Variants in DHX57 observed in about 807,000 individuals in gnomAD.
DHX57 encodes the protein putative ATP-dependent RNA helicase DHX57.
A neutral mutation model predicts 156.2 loss-of-function variants in DHX57; 105 were observed. The observed-to-expected ratio is 0.67, with a 90% CI of 0.57 to 0.79. The LOEUF is 0.79. Among genes scored for constraint, DHX57 ranks in the 30% least tolerant of loss-of-function variants. The pLI, the probability that DHX57 is intolerant of heterozygous loss-of-function variation, is 0.00. For synonymous variants in DHX57, 704 were observed against 595.6 expected, an observed-to-expected ratio of 1.18 and a Z score of -2.65; for missense variants, 1,847 against 1,661.9, an observed-to-expected ratio of 1.11 and a Z score of -1.94.
chr2:38,800,897 C>T (rs1019845683), intron 23 of DHX57, among the ~76,000 whole-genome samples: 4 of 151,586 alleles, frequency 2.6e-5, no homozygotes, highest in South Asian at 2.1e-4. Context: ...AGATGTGCTG[C>T]GAATATAAAA....
intron 12 of DHX57, among the ~76,000 whole-genome samples, chr2:38,841,606 A>G (rs1392171654): frequency 1.3e-5 from 2 of 152,236 alleles, no homozygotes; most frequent in African/African-American, 4.8e-5. Flanking sequence ...CTTGTATCCT[A>G]CAGAAGCAGT....
chr2:38,802,895 G>C lies in DHX57; in HGVS notation c.3837C>G (p.Pro1279=). Residue 1279 remains proline (P), a synonymous_variant, in exon 23 of 24, where the codon CCC becomes CCG. Coordinates refer to ENST00000457308, the MANE Select transcript of DHX57 (RefSeq NM_198963.3). ...TTATCTTCTCGTGGTACAACAGGTA[G>C]GGGCTGTCAAAGTGTCTCACCTGTA... ...VNYQVRHFDS[P]YLLYHEKIKT... is the part of the protein sequence containing the mutation. 6.2e-7 allele frequency: 1 copy of C among 1,614,124 alleles called. No homozygotes were observed. The highest frequency in any genetic ancestry group is 8.5e-7 in the Non-Finnish European group (1 of 1,180,020).
intron 23 of DHX57, among the ~76,000 whole-genome samples, chr2:38,799,265 C>A (rs1469196573): frequency 6.6e-6 from 1 of 151,440 alleles, no homozygotes; most frequent in African/African-American, 2.4e-5. Flanking sequence ...ACTTGGGAGG[C>A]TAAGGCAGGA....
intron 13 of DHX57, among the ~76,000 whole-genome samples, chr2:38,834,079 C>T (rs532817314): frequency 1.1e-3 from 163 of 152,186 alleles, no homozygotes; most frequent in African/African-American, 3.8e-3. Context: ...CCTGTAATCC[C>T]AGCACTTTGG....
At chr2:38,810,809 G>C in intron 21 of DHX57, 1 of 747,236 alleles carries the variant, frequency 1.3e-6, no homozygotes, top group Non-Finnish European at 2.4e-6. Context: ...GGGTGGTAAA[G>C]GATGGTGCCT....
At chr2:38,846,117 C>T (rs1672272555) in intron 11 of DHX57, among the ~76,000 whole-genome samples, 1 of 152,088 alleles carries the variant, frequency 6.6e-6, no homozygotes, top group African/African-American at 2.4e-5. Flanking sequence ...CTGCTCGCCT[C>T]GGCCTCCCAA....
intron 20 of DHX57, among the ~76,000 whole-genome samples, chr2:38,815,089 C>T (rs1246231053): frequency 4.1e-5 from 6 of 147,192 alleles, no homozygotes; most frequent in Non-Finnish European, 9.0e-5. Flanking sequence ...TTTTTTGAGA[C>T]AGGGTTTGGC....
intron 13 of DHX57, among the ~76,000 whole-genome samples, chr2:38,831,924 A>T (rs1456392456): frequency 6.6e-6 from 1 of 151,922 alleles, no homozygotes; most frequent in Non-Finnish European, 1.5e-5. Context: ...CAGGAGGCTG[A>T]GATAGGAGAA....
intron 13 of DHX57, 85 bp from the exon 14 acceptor site, chr2:38,828,521 A>G (rs1225960583): frequency 2.3e-6 from 2 of 855,642 alleles, no homozygotes; most frequent in African/African-American, 3.5e-5. Context: ...AGAATATGAT[A>G]AATGAAGTAA....
chr2:38,828,202 A>G (rs960199898), intron 14 of DHX57, 138 bp downstream of exon 14: 2 of 543,386 alleles, frequency 3.7e-6, no homozygotes, highest in African/African-American at 4.0e-5. Flanking sequence ...CCTGCAGCAA[A>G]TAGGTTTGCT....
Position 38,861,579 on chromosome 2 carries a change from T to C in DHX57, c.831A>G (p.Glu277=). Residue 277 remains glutamate (E), a synonymous_variant, in exon 5 of 24, where the codon GAA becomes GAG. Transcript: ENST00000457308. ...GGAATCTACTTGTCAGATACTCCAG[T>C]TCTAACCCAATGGTCCAGACTCTGT... ...IQNRVWTIGL[E]LEYLTSRFRK... 6.2e-7 allele frequency: 1 copy of C among 1,614,218 alleles called. No individual in the cohort carries two copies. Among genetic ancestry groups the C allele is most frequent in the African/African-American group, 1.3e-5 (1 of 75,058 alleles).
intron 1 of DHX57, among the ~76,000 whole-genome samples, chr2:38,869,895 A>C (rs1001782638): frequency 6.6e-6 from 1 of 152,244 alleles, no homozygotes; most frequent in African/African-American, 2.4e-5. Flanking sequence ...AGGAGTTCAA[A>C]ATAGTCATTA....
At chr2:38,842,279 G>A (rs552508905) in intron 12 of DHX57, among the ~76,000 whole-genome samples, 9 of 152,304 alleles carry the variant, frequency 5.9e-5, no homozygotes, top group African/African-American at 2.2e-4. Flanking sequence ...GACAAAGGAT[G>A]AGGAGCTGTT....
intron 21 of DHX57, among the ~76,000 whole-genome samples, chr2:38,810,014 C>G (rs1670159190): frequency 6.6e-6 from 1 of 152,060 alleles, no homozygotes. Flanking sequence ...CTGCCTCAGC[C>G]TCCCAAGTAG....
intron 6 of DHX57, among the ~76,000 whole-genome samples, chr2:38,857,822 C>A (rs1306851501): frequency 3.3e-5 from 5 of 152,186 alleles, no homozygotes; most frequent in African/African-American, 9.6e-5. Flanking sequence ...CATTATTTAT[C>A]CTTTGAGTCT....
chr2:38,798,047 A>C lies in DHX57; in HGVS notation c.*252T>G, dbSNP rs941957753. The C allele has an allele frequency of 2.6e-6, 1 of 385,528 alleles. No homozygotes were observed. Among genetic ancestry groups the C allele is most frequent in the Non-Finnish European group, 4.8e-6 (1 of 206,332 alleles). 23.9% of individuals were successfully genotyped at this position (385,528 alleles called of 1,614,324 possible). On this transcript the variant is annotated 3_prime_UTR_variant, in exon 24 of 24. Transcript: ENST00000457308. ...ACTTAATTCACTCCAGAACAATCAC[A>C]GAGACAAAGACAGGCAAGCTGGGTT...
chr2:38,861,679 C>T lies in DHX57; in HGVS notation c.731G>A (p.Cys244Tyr), dbSNP rs1673224809. The T allele has an allele frequency of 1.9e-6, 3 of 1,614,078 alleles. No homozygotes were observed. In the African/African-American group the frequency reaches 4.0e-5, roughly 22 times the overall value. The change falls in exon 5 of 24, where the codon TGT (cysteine) becomes TAT (tyrosine). Residue 244 changes from cysteine to tyrosine, a missense_variant. Cys to Tyr is a radical substitution (Grantham distance 194, BLOSUM62 -2). Coordinates refer to ENST00000457308, the MANE Select transcript of DHX57 (RefSeq NM_198963.3). ...EAVNQISLDE[C>Y]MEQRQEEAFA... Reference sequence around the variant, plus strand: ...TGCCTCTTCCTGTCGCTGTTCCATACACTCATCCAAGCTTATCTGGTTGAC... The same window carrying T: ...TGCCTCTTCCTGTCGCTGTTCCATATACTCATCCAAGCTTATCTGGTTGAC...
chr2:38,870,380 A>T (rs757195032), intron 1 of DHX57, among the ~76,000 whole-genome samples: 1 of 152,252 alleles, frequency 6.6e-6, no homozygotes, highest in Non-Finnish European at 1.5e-5. Flanking sequence ...GCCTCCAACT[A>T]TTAGAAAATA....
Position 38,856,846 on chromosome 2 carries a change from GC to G in DHX57, c.1588-386del, listed in dbSNP as rs368596888. The G allele has an allele frequency of 1.6e-3, 247 of 155,710 alleles. 8 individuals carry two copies. The South Asian group carries it at 0.046, about 29-fold the overall frequency. 9.6% of individuals were successfully genotyped at this position (155,710 alleles called of 1,614,324 possible). On this transcript the variant is annotated intron_variant, in intron 6 of 23. Coordinates refer to ENST00000457308, the MANE Select transcript of DHX57 (RefSeq NM_198963.3). ...TGCCCTGGATGGTCTTGCACTCCTG[GC>G]CTTGAGTGATCCTTTGTTGGATTTG...
Sources: allele counts gnomAD v4.1 joint callset (sites outside exome capture counted in the v4.1 genomes callset), GRCh38; gene constraint gnomAD v4.1.1; transcripts MANE v1.5; gene names NCBI Gene and HGNC (gene_info 2026-07-23, HGNC 2026-07-21).